Variants in RANBP2 observed in about 807,000 individuals in gnomAD.
The protein encoded by RANBP2 is E3 SUMO-protein ligase RanBP2.
Under a neutral mutation model 303.6 loss-of-function variants are expected in RANBP2, and 57 were observed. That is an observed-to-expected ratio of 0.19 (90% confidence interval 0.15 to 0.23). The LOEUF (loss-of-function observed/expected upper bound fraction) is 0.23, where lower values mean the gene tolerates loss of function less well. Among genes scored for constraint, RANBP2 ranks in the 10% least tolerant of loss-of-function variants. The pLI, the probability that RANBP2 is intolerant of heterozygous loss-of-function variation, is 1.00. For missense variants in RANBP2, 3,138 were observed against 3,780.8 expected (o/e 0.83, Z 4.46); for synonymous variants, 1,167 against 1,301.5 (o/e 0.90, Z 2.23).
chr2:108,887,829 T>C, the RANBP2 span, among the ~76,000 whole-genome samples: 2 of 152,284 alleles, frequency 1.3e-5, no homozygotes, highest in South Asian at 2.1e-4. Context: ...CCAATTTAAT[T>C]TCCTCTTTTC....
At chr2:109,545,342 A>G in the RANBP2 span, 1 of 1,496,840 alleles carries the variant, frequency 6.7e-7, no homozygotes, top group Non-Finnish European at 8.9e-7. Flanking sequence ...AAGGAAAAAT[A>G]AACTTATTTT....
the RANBP2 span, among the ~76,000 whole-genome samples, chr2:109,064,474 A>AAC: frequency 2.0e-5 from 3 of 148,900 alleles, no homozygotes; most frequent in Admixed American, 1.3e-4. Flanking sequence ...AAAAAAAACA[A>AAC]AAACAAACTG....
At chr2:108,773,182 C>A in intron 23 of RANBP2, 136 bp downstream of exon 23, 1 of 906,454 alleles carries the variant, frequency 1.1e-6, no homozygotes, top group Non-Finnish European at 1.7e-6. Context: ...CAATGGCATG[C>A]TCGTGGCTCA....
chr2:109,169,250 C>T, the RANBP2 span, among the ~76,000 whole-genome samples: 1 of 152,176 alleles, frequency 6.6e-6, no homozygotes, highest in African/African-American at 2.4e-5. Flanking sequence ...CATTTAAAAT[C>T]ATTTGGAAAG....
chr2:108,724,840 A>G (rs987100522), intron 1 of RANBP2, among the ~76,000 whole-genome samples: 1 of 151,550 alleles, frequency 6.6e-6, no homozygotes, highest in African/African-American at 2.4e-5. Context: ...TTGGGACTCC[A>G]CAGATTTGGA....
At chr2:108,787,546 C>G (rs1469170054), downstream of RANBP2, among the ~76,000 whole-genome samples, 1 of 152,100 alleles carries the variant, frequency 6.6e-6, no homozygotes, top group Non-Finnish European at 1.5e-5. Context: ...ATTTGGTAAT[C>G]TAGAGTTCAT....
chr2:109,404,390 G>A, the RANBP2 span, among the ~76,000 whole-genome samples: 1,320 of 152,316 alleles, frequency 8.7e-3, 19 homozygotes, highest in African/African-American at 0.03. Flanking sequence ...ACAGGCCAGC[G>A]CCTGGCCTCT....
At chr2:109,470,993 G>A in the RANBP2 span, among the ~76,000 whole-genome samples, 1 of 152,084 alleles carries the variant, frequency 6.6e-6, no homozygotes, top group Non-Finnish European at 1.5e-5. Context: ...GCCGAGGAGG[G>A]CAGATCACTT....
intron 6 of RANBP2, among the ~76,000 whole-genome samples, chr2:108,737,638 T>A (rs540660479): frequency 1.5e-4 from 22 of 149,286 alleles, no homozygotes; most frequent in Admixed American, 2.7e-4. Context: ...AACCTCTGCC[T>A]CCTGGGTTCA....
chr2:109,586,733 TAA>T, the RANBP2 span, among the ~76,000 whole-genome samples: 1 of 152,160 alleles, frequency 6.6e-6, no homozygotes, highest in Non-Finnish European at 1.5e-5. Flanking sequence ...GCCTGTAAGT[TAA>T]AGAGTCTCCT....
chr2:109,549,712 C>T, the RANBP2 span, among the ~76,000 whole-genome samples: 27 of 152,166 alleles, frequency 1.8e-4, no homozygotes, highest in Admixed American at 1.8e-3. Flanking sequence ...CCTGAAACCA[C>T]AGGTAGTACC....
rs17036806 is a variant in RANBP2 at position 108,764,136 on chromosome 2, G to A, written c.3597G>A (p.Ala1199=). The A allele has an allele frequency of 3.9e-3, 6,304 of 1,613,976 alleles. 220 individuals carry two copies. The African/African-American group carries it at 0.074, about 19-fold the overall frequency. ...EDEEEFFCNR[A]KLFRFDVESK... ...AAGAAGAATTCTTTTGCAACCGCGCGAAATTGTTTCGTTTCGATGTAGAAT... is the reference window on the plus strand; with the variant it reads ...AAGAAGAATTCTTTTGCAACCGCGCAAAATTGTTTCGTTTCGATGTAGAAT... The change falls in exon 20 of 29, where the codon GCG becomes GCA. Residue 1199 remains alanine (A), a synonymous_variant. Coordinates refer to ENST00000283195, the MANE Select transcript of RANBP2 (RefSeq NM_006267.5).
chr2:109,028,172 G>A, the RANBP2 span, among the ~76,000 whole-genome samples: 3 of 152,212 alleles, frequency 2.0e-5, no homozygotes, highest in Admixed American at 1.3e-4. Flanking sequence ...TCAGGAGGCT[G>A]AGGTGGGTGG....
chr2:108,756,119 T>A (rs1352734234), intron 17 of RANBP2, among the ~76,000 whole-genome samples: 1 of 152,204 alleles, frequency 6.6e-6, no homozygotes, highest in Admixed American at 6.5e-5. Flanking sequence ...ATTTAAAATA[T>A]AAGAGTTCGT....
the RANBP2 span, among the ~76,000 whole-genome samples, chr2:108,886,993 T>C: frequency 6.6e-6 from 1 of 152,172 alleles, no homozygotes; most frequent in Non-Finnish European, 1.5e-5. Flanking sequence ...GGCTTTCTTA[T>C]GCTGTTTTTT....
the RANBP2 span, chr2:109,593,174 C>T: frequency 1.7e-6 from 2 of 1,152,442 alleles, no homozygotes; most frequent in Non-Finnish European, 2.5e-6. Context: ...TCCCCAAACC[C>T]CATTATCTGA....
chr2:108,835,388 G>A, the RANBP2 span, among the ~76,000 whole-genome samples: 1 of 152,052 alleles, frequency 6.6e-6, no homozygotes, highest in Admixed American at 6.6e-5. Context: ...CATGTGTTAG[G>A]GCCAGTAAGG....
At chr2:109,477,613 GGTGT>G in the RANBP2 span, among the ~76,000 whole-genome samples, 72,459 of 149,316 alleles carry the variant, frequency 0.49, 18,361 homozygotes, top group Non-Finnish European at 0.56. Flanking sequence ...GCCACAGATG[GGTGT>G]GTGTGTGTGT....
chr2:109,653,563 T>C, the RANBP2 span, among the ~76,000 whole-genome samples: 1 of 152,102 alleles, frequency 6.6e-6, no homozygotes, highest in Non-Finnish European at 1.5e-5. Flanking sequence ...CCCACTGTCA[T>C]TCTTGCAGGG....
Sources: allele counts gnomAD v4.1 joint callset (sites outside exome capture counted in the v4.1 genomes callset), GRCh38; gene constraint gnomAD v4.1.1; transcripts MANE v1.5; gene names NCBI Gene and HGNC (gene_info 2026-07-23, HGNC 2026-07-21).